MAGI2: variants seen among roughly 807,000 people sequenced by gnomAD.
The protein encoded by MAGI2 is membrane-associated guanylate kinase, WW and PDZ domain-containing protein 2.
MAGI2 carries 35 observed loss-of-function variants against 133.3 expected under a neutral mutation model. That is an observed-to-expected ratio of 0.26 (90% CI 0.20 to 0.35). The LOEUF (loss-of-function observed/expected upper bound fraction) is 0.35, where lower values mean the gene tolerates loss of function less well. Among genes scored for constraint, MAGI2 ranks in the 10% least tolerant of loss-of-function variants. MAGI2 has a pLI of 1.00. For missense variants in MAGI2, 1,636 were observed against 1,863.4 expected, an observed-to-expected ratio of 0.88 and a Z score of 2.25; for synonymous variants, 729 against 710.6, an observed-to-expected ratio of 1.03 and a Z score of -0.41.
chr7:79,145,529 A>G (rs543028367), intron 1 of MAGI2, among the ~76,000 whole-genome samples: 1 of 152,278 alleles, frequency 6.6e-6, no homozygotes, highest in South Asian at 2.1e-4. Context: ...AATTAGGGAG[A>G]GCAAACAGGA....
chr7:79,370,764 C>T (rs1842999968), intron 1 of MAGI2, among the ~76,000 whole-genome samples: 1 of 151,882 alleles, frequency 6.6e-6, no homozygotes, highest in Non-Finnish European at 1.5e-5. Flanking sequence ...AACAGAATAA[C>T]CCAATCTTCA....
chr7:78,163,110 A>G (rs1474895928), intron 15 of MAGI2, among the ~76,000 whole-genome samples: 1 of 152,112 alleles, frequency 6.6e-6, no homozygotes, highest in East Asian at 1.9e-4. Context: ...AGTATCTACT[A>G]AAGTCAAATA....
intron 6 of MAGI2, among the ~76,000 whole-genome samples, chr7:78,435,634 A>G (rs1800214470): frequency 6.6e-6 from 1 of 152,144 alleles, no homozygotes; most frequent in African/African-American, 2.4e-5. Flanking sequence ...AAAGCTGCAA[A>G]TACCACCTTG....
chr7:78,636,777 G>A (rs1353319195), intron 2 of MAGI2, among the ~76,000 whole-genome samples: 1 of 152,024 alleles, frequency 6.6e-6, no homozygotes, highest in Non-Finnish European at 1.5e-5. Flanking sequence ...CAACCTGGGT[G>A]ACAGAGCAAG....
At chr7:78,909,117 GAA>G (rs377390532) in intron 2 of MAGI2, among the ~76,000 whole-genome samples, 1 of 110,446 alleles carries the variant, frequency 9.1e-6, no homozygotes, top group Non-Finnish European at 1.9e-5. Context: ...AAATGTACAA[GAA>G]AAAAAAAAAA....
chr7:79,284,788 C>G (rs962285459), intron 1 of MAGI2, among the ~76,000 whole-genome samples: 28 of 151,978 alleles, frequency 1.8e-4, no homozygotes, highest in African/African-American at 6.8e-4. Context: ...GCCCCCTTAG[C>G]ATGGTCTATG....
chr7:78,293,927 G>A (rs1000968349), intron 9 of MAGI2, among the ~76,000 whole-genome samples: 7 of 152,106 alleles, frequency 4.6e-5, no homozygotes, highest in South Asian at 2.1e-4. Context: ...ACACACCAGG[G>A]CCTGTCATGG....
chr7:78,037,470 CGAACAGTCCCA>C (rs1810353222), intron 21 of MAGI2, among the ~76,000 whole-genome samples: 1 of 152,150 alleles, frequency 6.6e-6, no homozygotes, highest in Admixed American at 6.5e-5. Context: ...TTTATTTCTG[CGAACAGTCCCA>C]GAATTCCTTC....
At chr7:79,435,827 A>T (rs908833021) in intron 1 of MAGI2, among the ~76,000 whole-genome samples, 1 of 152,214 alleles carries the variant, frequency 6.6e-6, no homozygotes, top group African/African-American at 2.4e-5. Context: ...CCAAAAGAAC[A>T]AAGCCAGAGG....
chr7:78,941,417 T>A (rs1274192112), intron 2 of MAGI2, among the ~76,000 whole-genome samples: 1 of 152,198 alleles, frequency 6.6e-6, no homozygotes, highest in East Asian at 1.9e-4. Context: ...TGGTGCAATC[T>A]CGGCTCACTG....
chr7:79,136,076 A>G (rs56311249), intron 1 of MAGI2, among the ~76,000 whole-genome samples: 147 of 90,746 alleles, frequency 1.6e-3, no homozygotes, highest in African/African-American at 4.9e-3. Flanking sequence ...AAGGAAAGAA[A>G]GAAAGAAAGA....
At chr7:79,032,362 T>C (rs28444711) in intron 1 of MAGI2, among the ~76,000 whole-genome samples, 27,922 of 151,510 alleles carry the variant, frequency 0.18, 3,458 homozygotes, top group African/African-American at 0.35. Context: ...ACTAAAAATA[T>C]AAAAAATTAG....
chr7:78,502,531 A>G (rs1794712745), intron 4 of MAGI2, among the ~76,000 whole-genome samples: 1 of 152,214 alleles, frequency 6.6e-6, no homozygotes, highest in African/African-American at 2.4e-5. Flanking sequence ...ATAGAGAGAG[A>G]GAAAGACCAC....
chr7:78,398,080 T>A (rs1796522693), intron 6 of MAGI2, among the ~76,000 whole-genome samples: 2 of 152,168 alleles, frequency 1.3e-5, no homozygotes, highest in South Asian at 4.1e-4. Flanking sequence ...GTGTGTGTGC[T>A]GTGTGAGAAA....
chr7:78,668,415 A>G (rs1255136346), intron 2 of MAGI2, among the ~76,000 whole-genome samples: 1 of 150,222 alleles, frequency 6.7e-6, no homozygotes, highest in African/African-American at 2.5e-5. Context: ...CCATTTGTCA[A>G]TTTTGTCTTT....
chr7:78,551,742 T>TTTTG (rs951689419), intron 3 of MAGI2, among the ~76,000 whole-genome samples: 3 of 152,084 alleles, frequency 2.0e-5, no homozygotes, highest in Non-Finnish European at 4.4e-5. Context: ...GTTTGCATTG[T>TTTTG]TTTGTTTGTT....
chr7:78,643,162 T>C (rs929236951), intron 2 of MAGI2, among the ~76,000 whole-genome samples: 2 of 152,142 alleles, frequency 1.3e-5, no homozygotes, highest in African/African-American at 4.8e-5. Context: ...TTGAAAAATA[T>C]ATGGAGAAGC....
chr7:79,183,275 A>G (rs115522948), intron 1 of MAGI2, among the ~76,000 whole-genome samples: 2,186 of 152,008 alleles, frequency 0.014, 74 homozygotes, highest in African/African-American at 0.049. Context: ...CTTGATAATT[A>G]TATATATTAT....
chr7:78,420,661 C>T (rs940685970), intron 6 of MAGI2, among the ~76,000 whole-genome samples: 7 of 151,802 alleles, frequency 4.6e-5, no homozygotes, highest in Non-Finnish European at 8.8e-5. Context: ...TAAGGATAGA[C>T]AGAGGGACAT....
Sources: gnomAD v4.1 joint callset for allele counts (sites outside exome capture counted in the v4.1 genomes callset) on GRCh38, gnomAD v4.1.1 for gene constraint, MANE v1.5 for transcripts, NCBI Gene and HGNC (gene_info 2026-07-23, HGNC 2026-07-21) for gene names.